Variants in STK32C observed in about 807,000 individuals in gnomAD.
STK32C encodes the protein serine/threonine kinase 32C, also known as serine/threonine-protein kinase 32C.
A neutral mutation model predicts 56.5 loss-of-function variants in STK32C; 31 were observed. The ratio of observed to expected loss-of-function variants is 0.55; its 90% CI spans 0.41 to 0.74. The LOEUF (loss-of-function observed/expected upper bound fraction) is 0.74. STK32C is among the 30% of genes least tolerant of loss of function. STK32C has a pLI of 0.00. For missense variants in STK32C, 544 were observed against 676.9 expected, an observed-to-expected ratio of 0.80 and a Z score of 2.18; for synonymous variants, 309 against 289.4, an observed-to-expected ratio of 1.07 and a Z score of -0.69.
intron 10 of STK32C, among the ~76,000 whole-genome samples, chr10:132,219,766 G>A (rs748736923): frequency 1.2e-4 from 19 of 152,154 alleles, no homozygotes; most frequent in Non-Finnish European, 2.5e-4. Flanking sequence ...CCCAAAATCA[G>A]GGCACCCAGG....
chr10:132,327,269 G>A (rs781445474), intron 1 of STK32C, among the ~76,000 whole-genome samples: 46 of 152,284 alleles, frequency 3.0e-4, no homozygotes, highest in Middle Eastern at 6.8e-3. Context: ...TTTGCCTGCT[G>A]CCCTCCACGT....
At chr10:132,283,704 T>C (rs904337995) in intron 1 of STK32C, among the ~76,000 whole-genome samples, 1 of 152,166 alleles carries the variant, frequency 6.6e-6, no homozygotes, top group Non-Finnish European at 1.5e-5. Flanking sequence ...GTCATGGAGA[T>C]GACCCCAGCA....
exon 1 of STK32C, chr10:132,331,624 C>A: frequency 6.2e-7 from 1 of 1,612,918 alleles, no homozygotes; most frequent in Non-Finnish European, 8.5e-7. Context: ...GAAGGACAGG[C>A]AGCGAGGACC....
intron 1 of STK32C, among the ~76,000 whole-genome samples, chr10:132,251,759 C>T (rs368971845): frequency 3.0e-4 from 40 of 131,284 alleles, no homozygotes; most frequent in African/African-American, 1.1e-3. Flanking sequence ...CTGGGGCCTC[C>T]GACCCTCCAC....
chr10:132,243,989 T>G (rs2137910305), intron 2 of STK32C, among the ~76,000 whole-genome samples: 1 of 152,310 alleles, frequency 6.6e-6, no homozygotes, highest in Non-Finnish European at 1.5e-5. Context: ...GCAGCCCCTC[T>G]GAACTGAGGC....
intron 1 of STK32C, chr10:132,330,619 TGCCTCACCCTCCCACACA>T (rs1351921214): frequency 3.5e-5 from 24 of 681,148 alleles, no homozygotes; most frequent in Non-Finnish European, 5.9e-5. Flanking sequence ...GCGATCCTCT[TGCCTCACCCTCCCACACA>T]GCTGGAACTA....
chr10:132,231,012 A>C lies in STK32C; in HGVS notation c.319-2884T>G, dbSNP rs115361636. On this transcript the variant is annotated intron_variant, in intron 2 of 11. Coordinates refer to ENST00000298630, the MANE Select transcript of STK32C (RefSeq NM_173575.4). ...TGCGGCGGACACAGACCGGGTGTCTACTCCAGACAGGACCTCACCCTCCTG... is the reference window on the plus strand; with the variant it reads ...TGCGGCGGACACAGACCGGGTGTCTCCTCCAGACAGGACCTCACCCTCCTG... 8.2e-3 allele frequency among the ~76,000 whole-genome samples: 1,239 copies of C among 152,006 alleles called. 18 individuals carry two copies. The highest frequency in any genetic ancestry group is 0.028 in the African/African-American group (1,178 of 41,450).
chr10:132,307,693 G>C lies in STK32C; in HGVS notation c.141C>G (p.Asp47Glu), dbSNP rs757255541. ...PPAAGQPRAR[D>E]SGDVRSQPRP... ...GCGGCTGCGAGCGGACATCGCCCGA[G>C]TCCCGGGCCCGGGGCTGGCCAGCAG... The change falls in exon 1 of 12, where the codon GAC (aspartate) becomes GAG (glutamate). Residue 47 changes from aspartate to glutamate, a missense_variant. Asp to Glu is a conservative substitution (Grantham distance 45). Transcript: ENST00000298630. This position sits in a 1 kb window ranked among gnomAD's most constrained non-coding sequence, Gnocchi z 4.4. 1.0e-5 allele frequency: 15 copies of C among 1,498,788 alleles called. No individual in the cohort carries two copies. The highest frequency in any genetic ancestry group is 1.3e-5 in the Non-Finnish European group (15 of 1,122,116). The allele number at this position is 1,498,788 out of a possible 1,614,324, so 92.8% of individuals were successfully genotyped here.
At chr10:132,259,549 G>A (rs4633376) in intron 1 of STK32C, among the ~76,000 whole-genome samples, 53,430 of 151,890 alleles carry the variant, frequency 0.35, 9,665 homozygotes, top group Admixed American at 0.46. Context: ...TGAGATCTGG[G>A]CGTCTGAAAG....
downstream of STK32C, among the ~76,000 whole-genome samples, chr10:132,321,878 G>A (rs886317438): frequency 2.1e-4 from 32 of 152,208 alleles, no homozygotes; most frequent in African/African-American, 3.9e-4. Flanking sequence ...ATGATCCCGC[G>A]GGGCACATTT....
At chr10:132,212,935 A>C (rs1007718238) in intron 10 of STK32C, among the ~76,000 whole-genome samples, 24 of 152,212 alleles carry the variant, frequency 1.6e-4, no homozygotes, top group Non-Finnish European at 2.6e-4. Context: ...AGCAGAACTG[A>C]TGGTGTGTGG....
At chr10:132,326,854 G>A (rs1397028485) in intron 1 of STK32C, among the ~76,000 whole-genome samples, 2 of 152,134 alleles carry the variant, frequency 1.3e-5, no homozygotes, top group African/African-American at 4.8e-5. Context: ...AGAGAAGAGG[G>A]GTCCATTCAG....
chr10:132,331,366 C>G (rs1410972922), intron 1 of STK32C: 12 of 1,487,240 alleles, frequency 8.1e-6, no homozygotes, highest in Middle Eastern at 1.8e-4. Context: ...ACCACGCGAG[C>G]ACCTCCCCTC....
In STK32C at chr10:132,249,231, G is replaced by A. The variant is rs568867024; in HGVS notation, c.263-3276C>T. On this transcript the variant is annotated intron_variant, in intron 1 of 11. Coordinates refer to ENST00000298630, the MANE Select transcript of STK32C (RefSeq NM_173575.4). ...GGGGTTGCGGGAGTGCTGGGAGTGG[G>A]GCTGAGGGTGGGGCTGTGGGGTTAG... The A allele has an allele frequency of 5.2e-4, 188 of 361,896 alleles. 1 individual carries two copies. Among genetic ancestry groups the A allele is most frequent in the Non-Finnish European group, 8.4e-4 (152 of 181,718 alleles). 22.4% of individuals were successfully genotyped at this position (361,896 alleles called of 1,614,324 possible).
chr10:132,303,937 C>G (rs1244814207), intron 1 of STK32C, among the ~76,000 whole-genome samples: 2 of 152,232 alleles, frequency 1.3e-5, no homozygotes, highest in African/African-American at 4.8e-5. Flanking sequence ...TCCTGCCTCC[C>G]TGTCTTGTCA....
At chr10:132,292,789 A>C (rs1358603127) in intron 1 of STK32C, among the ~76,000 whole-genome samples, 1 of 152,032 alleles carries the variant, frequency 6.6e-6, no homozygotes, top group Non-Finnish European at 1.5e-5. Context: ...CATCCCCTGG[A>C]GCTCTTCTAT....
intron 1 of STK32C, among the ~76,000 whole-genome samples, chr10:132,254,296 C>T (rs929762262): frequency 1.1e-4 from 16 of 151,916 alleles, no homozygotes; most frequent in African/African-American, 1.7e-4. Context: ...GCAAAAAGGG[C>T]GAAACTCCAT....
chr10:132,221,382 C>T (rs2062637727), intron 10 of STK32C, among the ~76,000 whole-genome samples: 1 of 148,110 alleles, frequency 6.8e-6, no homozygotes, highest in South Asian at 2.2e-4. Flanking sequence ...ATGGCCGTCC[C>T]TGCACACACA....
chr10:132,296,801 G>C (rs963166133), intron 1 of STK32C, among the ~76,000 whole-genome samples: 7 of 152,256 alleles, frequency 4.6e-5, no homozygotes, highest in Non-Finnish European at 8.8e-5. Flanking sequence ...CGATCAGCAG[G>C]CAGGAAGCAG....
Sources: allele counts gnomAD v4.1 joint callset (sites outside exome capture counted in the v4.1 genomes callset), GRCh38; gene constraint gnomAD v4.1.1; non-coding constraint Gnocchi (gnomAD v3.1); transcripts MANE v1.5; gene names NCBI Gene and HGNC (gene_info 2026-07-23, HGNC 2026-07-21).